The following ARAP3 variants were observed in gnomAD, a reference collection of about 807,000 sequenced individuals.
The protein encoded by ARAP3 is ArfGAP with RhoGAP domain, ankyrin repeat and PH domain 3, also known as arf-GAP with Rho-GAP domain, ANK repeat and PH domain-containing protein 3.
Under a neutral mutation model 169.2 loss-of-function variants are expected in ARAP3, and 82 were observed. The ratio of observed to expected loss-of-function variants is 0.48; its 90% CI spans 0.41 to 0.58. The LOEUF (loss-of-function observed/expected upper bound fraction) is 0.58. Ranked by LOEUF, ARAP3 falls within the 20% of genes least tolerant of loss-of-function variation. The pLI, the probability that ARAP3 is intolerant of heterozygous loss-of-function variation, is 0.00. For missense variants in ARAP3, 1,764 were observed against 2,018.0 expected, an observed-to-expected ratio of 0.87 and a Z score of 2.41; for synonymous variants, 791 against 800.3, an observed-to-expected ratio of 0.99 and a Z score of 0.20.
At chr5:141,669,081 G>C (rs1201519148) in intron 16 of ARAP3, among the ~76,000 whole-genome samples, 1 of 152,012 alleles carries the variant, frequency 6.6e-6, no homozygotes, top group Non-Finnish European at 1.5e-5. Context: ...GCTGTGTGTG[G>C]GCCTCACATG....
chr5:141,664,707 T>C (rs773990484), intron 19 of ARAP3, among the ~76,000 whole-genome samples: 3 of 152,144 alleles, frequency 2.0e-5, no homozygotes, highest in Non-Finnish European at 4.4e-5. Context: ...ATGAGGACCG[T>C]TGGCCCCATT....
At chr5:141,661,850 AGAGG>A in intron 20 of ARAP3, 61 bp from the exon 21 acceptor site, 2 of 1,575,898 alleles carry the variant, frequency 1.3e-6, no homozygotes, top group Admixed American at 3.3e-5. Context: ...CAGCTGGTAC[AGAGG>A]GAGGGATTTT....
In ARAP3 at chr5:141,671,194, T is replaced by C; in HGVS notation, c.1990+71A>G. Reference sequence around the variant, plus strand: ...TTGTGATCAGCTAATTGGGGCCCCTTGGAAGAACTGAATCATAGGTTGGGT... The same window carrying C: ...TTGTGATCAGCTAATTGGGGCCCCTCGGAAGAACTGAATCATAGGTTGGGT... On this transcript the variant is annotated intron_variant, in intron 13 of 32. Transcript: ENST00000239440. This position sits in a 1 kb window ranked among gnomAD's most constrained non-coding sequence, Gnocchi z 4.9. The C allele has an allele frequency of 7.8e-6, 12 of 1,529,736 alleles. No individual in the cohort carries two copies. Among genetic ancestry groups the C allele is most frequent in the Middle Eastern group, 1.8e-4 (1 of 5,618 alleles). 94.8% of individuals were successfully genotyped at this position (1,529,736 alleles called of 1,614,324 possible).
At position 141,656,456 on chromosome 5, in the gene ARAP3, C is replaced by T. The variant is rs370511102; in HGVS notation, c.3789+48G>A. On this transcript the variant is annotated intron_variant, in intron 27 of 32. Coordinates refer to ENST00000239440, the MANE Select transcript of ARAP3 (RefSeq NM_022481.6). ...CAGAGGGTGGGTGCAGTCATGGCTC[C>T]TCTCCATGGCCACCCAGCATCCCAC... The T allele has an allele frequency of 4.3e-5, 69 of 1,595,790 alleles. No homozygotes were observed. In the African/African-American group the frequency reaches 8.6e-4, roughly 20 times the overall value.
chr5:141,679,904 C>A, intron 2 of ARAP3, 59 bp downstream of exon 2: 1 of 1,612,216 alleles, frequency 6.2e-7, no homozygotes, highest in East Asian at 2.2e-5. Flanking sequence ...CTCCGTCCCC[C>A]TCATGCTCTC....
rs181920785 is a variant in ARAP3 at position 141,673,647 on chromosome 5, G to A, written c.860C>T (p.Thr287Met). ...GTCTAGCCAGCCACTGAGCAGGGGC[G>A]TGAGGCGGTCTGCCGTGAAGGAGAA... ...ASFSFTADRL[T>M]PLLSGWLDKL... is the part of the protein sequence containing the mutation. The change falls in exon 5 of 33, where the codon ACG becomes ATG. Residue 287 changes from threonine (T) to methionine (M), a missense_variant. This residue lies in a region of ARAP3 where 630 missense variants were observed against 678.7 expected (regional missense o/e 0.93). Transcript: ENST00000239440. 50 of 1,614,218 alleles carry A rather than the reference G, an allele frequency of 3.1e-5. No homozygotes were observed. The highest frequency in any genetic ancestry group is 6.7e-5 in the East Asian group (3 of 44,880).
At position 141,671,887 on chromosome 5, in the gene ARAP3, C is replaced by G; in HGVS notation, c.1671+8G>C. The G allele has an allele frequency of 3.7e-6, 6 of 1,614,178 alleles. No homozygotes were observed. ...CGCCTCCCACCTTCTCCCTCTTCGC[C>G]CGCTCACCTGTACTATCTCATTACT... is the stretch of plus-strand genomic sequence containing the variant. On this transcript the variant is annotated splice_region_variant and intron_variant, in intron 11 of 32. Coordinates refer to ENST00000239440, the MANE Select transcript of ARAP3 (RefSeq NM_022481.6). This position sits in a 1 kb window ranked among gnomAD's most constrained non-coding sequence, Gnocchi z 4.9.
Position 141,659,869 on chromosome 5 carries a change from A to C in ARAP3, c.3177T>G (p.Phe1059Leu). The change falls in exon 22 of 33, where the codon TTT becomes TTG. Residue 1059 changes from phenylalanine to leucine, a missense_variant. Phe to Leu is a conservative substitution (Grantham distance 22). This residue lies in a region of ARAP3 where 1,112 missense variants were observed against 1,285.7 expected (regional missense o/e 0.86). Transcript: ENST00000239440. ...CATCCGTCTGGAACACGCTGGGTGCAAACAGCAGAGCCAAGTTCCGCGTGC... is the reference window on the plus strand; with the variant it reads ...CATCCGTCTGGAACACGCTGGGTGCCAACAGCAGAGCCAAGTTCCGCGTGC... ...QMCTRNLALL[F>L]APSVFQTDGR... 6.3e-7 allele frequency: 1 copy of C among 1,598,902 alleles called. No individual in the cohort carries two copies. The highest frequency in any genetic ancestry group is 8.5e-7 in the Non-Finnish European group (1 of 1,173,430).
At chr5:141,659,180 A>G (rs2099909620) in intron 23 of ARAP3, among the ~76,000 whole-genome samples, 1 of 152,172 alleles carries the variant, frequency 6.6e-6, no homozygotes, top group Admixed American at 6.5e-5. Context: ...ATCCAGTGCC[A>G]AGATTATCAC....
At chr5:141,667,680 G>A (rs113250214) in intron 16 of ARAP3, among the ~76,000 whole-genome samples, 152 of 147,722 alleles carry the variant, frequency 1.0e-3, no homozygotes, top group African/African-American at 3.5e-3. Flanking sequence ...CACCTGCCTC[G>A]GCCTCCCAAA....
intron 4 of ARAP3, 113 bp from the exon 5 acceptor site, chr5:141,673,921 C>A: frequency 2.5e-6 from 2 of 803,174 alleles, no homozygotes; most frequent in Non-Finnish European, 1.9e-6. Context: ...CTGGCAGGTA[C>A]TGGATCTGAT....
chr5:141,657,559 T>C (rs1202163638), intron 25 of ARAP3, among the ~76,000 whole-genome samples: 1 of 152,260 alleles, frequency 6.6e-6, no homozygotes, highest in Non-Finnish European at 1.5e-5. Context: ...TGGAACATTG[T>C]CCAGCTATCC....
At position 141,672,001 on chromosome 5, in the gene ARAP3, G is replaced by T. The variant is rs1038049997; in HGVS notation, c.1586-21C>A. 9 of 1,613,744 alleles carry T rather than the reference G, an allele frequency of 5.6e-6. No individual in the cohort carries two copies. Among genetic ancestry groups the T allele is most frequent in the Middle Eastern group, 1.6e-4 (1 of 6,084 alleles). ...CTGACCTGTGAGGGTGTGAGGGTGTGTGAGGGTGTGTGAGGGTGTGAGGGG... is the reference window on the plus strand; with the variant it reads ...CTGACCTGTGAGGGTGTGAGGGTGTTTGAGGGTGTGTGAGGGTGTGAGGGG... On this transcript the variant is annotated intron_variant, in intron 10 of 32. Coordinates refer to ENST00000239440, the MANE Select transcript of ARAP3 (RefSeq NM_022481.6). This position sits in a 1 kb window ranked among gnomAD's most constrained non-coding sequence, Gnocchi z 4.9.
intron 30 of ARAP3, 33 bp from the exon 31 acceptor site, chr5:141,655,791 G>T (rs989969140): frequency 1.2e-6 from 2 of 1,614,032 alleles, no homozygotes; most frequent in African/African-American, 2.7e-5. Context: ...GCATCAGTGG[G>T]CATGAAAGGC....
At chr5:141,676,633 A>G (rs2154599222) in intron 4 of ARAP3, among the ~76,000 whole-genome samples, 1 of 151,950 alleles carries the variant, frequency 6.6e-6, no homozygotes, top group South Asian at 2.1e-4. Context: ...CTTCTTCTAC[A>G]TTTTCCTCAC....
intron 21 of ARAP3, among the ~76,000 whole-genome samples, chr5:141,660,521 A>G (rs1229092193): frequency 6.6e-6 from 1 of 151,828 alleles, no homozygotes; most frequent in Non-Finnish European, 1.5e-5. Flanking sequence ...AAATATATAC[A>G]TGAATGGGTG....
chr5:141,662,191 A>G lies in ARAP3; in HGVS notation c.2865T>C (p.Ala955=). The G allele has an allele frequency of 1.9e-6, 3 of 1,614,224 alleles. No individual in the cohort carries two copies. The highest frequency in any genetic ancestry group is 2.5e-6 in the Non-Finnish European group (3 of 1,180,042). The change falls in exon 20 of 33, where the codon GCT becomes GCC. Residue 955 remains alanine, a synonymous_variant. Transcript: ENST00000239440. The stretch of plus-strand genomic sequence containing the variant: ...CCGACCGGGCATCCCGACGGAACTC[A>G]GCCAGGAGTCTCAGGCTGCGGGCAC... The part of the protein sequence containing the change: ...GARARSLRLL[A]EFRRDARSVK...
Position 141,656,767 on chromosome 5 carries a change from G to A in ARAP3, c.3606C>T (p.Ser1202=), listed in dbSNP as rs547306500. 2.5e-6 allele frequency: 4 copies of A among 1,612,168 alleles called. No homozygotes were observed. In the African/African-American group the frequency reaches 4.0e-5, roughly 16 times the overall value. ...WCQLPEPCSA[S]LLLKKVPLAQ... Reference sequence around the variant, plus strand: ...CCAGGGGGACTTTTTTCAAGAGCAGGGAAGCTGAGCAGGGCTCTGGGAGCT... The same window carrying A: ...CCAGGGGGACTTTTTTCAAGAGCAGAGAAGCTGAGCAGGGCTCTGGGAGCT... Residue 1202 remains serine (S), a synonymous_variant, in exon 26 of 33, where the codon TCC becomes TCT. Transcript: ENST00000239440.
At chr5:141,670,791 A>G (rs1365482101) in intron 13 of ARAP3, among the ~76,000 whole-genome samples, 163 bp from the exon 14 acceptor site, 1 of 152,186 alleles carries the variant, frequency 6.6e-6, no homozygotes, top group Non-Finnish European at 1.5e-5. Flanking sequence ...CCCAGATTGC[A>G]GAAGAGAGAG....
Sources: gnomAD v4.1 joint callset for allele counts (sites outside exome capture counted in the v4.1 genomes callset) on GRCh38, gnomAD v4.1.1 for gene constraint, gnomAD v4.1.1 regional missense constraint, Gnocchi (gnomAD v3.1) non-coding constraint, MANE v1.5 for transcripts, NCBI Gene and HGNC (gene_info 2026-07-23, HGNC 2026-07-21) for gene names.